The following C3orf38 variants were observed in gnomAD, a reference collection of about 807,000 sequenced individuals.
The protein encoded by C3orf38 is chromosome 3 open reading frame 38, also known as uncharacterized protein C3orf38.
Under a neutral mutation model 28.3 loss-of-function variants are expected in C3orf38, and 18 were observed. The observed-to-expected ratio is 0.64, with a 90% confidence interval of 0.44 to 0.94. The LOEUF is 0.94. Among genes scored for constraint, C3orf38 ranks in the 40% least tolerant of loss-of-function variants. C3orf38 has a pLI of 0.00. For synonymous variants in C3orf38, 145 were observed against 138.1 expected (o/e 1.05, Z -0.35); for missense variants, 364 against 396.4 (o/e 0.92, Z 0.69).
At chr3:88,154,387 T>TA (rs1553703041) in intron 2 of C3orf38, among the ~76,000 whole-genome samples, 1 of 151,730 alleles carries the variant, frequency 6.6e-6, no homozygotes, top group Non-Finnish European at 1.5e-5. Context: ...TTTTTTTTTT[T>TA]AACTAGAAAA....
In C3orf38 at chr3:88,156,578, T is replaced by A. The variant is rs1241012048; in HGVS notation, c.933T>A (p.Asn311Lys). The change falls in exon 3 of 3, where the codon AAT (asparagine) becomes AAA (lysine). Residue 311 changes from asparagine to lysine, a missense_variant. Asn to Lys is a moderately conservative substitution (Grantham distance 94). Coordinates refer to ENST00000318887, the MANE Select transcript of C3orf38 (RefSeq NM_173824.4). The stretch of plus-strand genomic sequence containing the variant: ...ATGTAATCACTGTATGTGGTACCAA[T>A]GAAGTACGACATAATGTAAAGCAGG... The part of the protein sequence containing the change: ...FYNVITVCGT[N>K]EVRHNVKQAS... 1.2e-6 allele frequency: 2 copies of A among 1,613,756 alleles called. No homozygotes were observed. The highest frequency in any genetic ancestry group is 1.7e-6 in the Non-Finnish European group (2 of 1,179,892).
rs1482422935 is a variant in C3orf38 at position 88,157,220 on chromosome 3, A to T, written c.*585A>T. The T allele has an allele frequency of 6.6e-6, 1 of 152,258 alleles. No individual in the cohort carries two copies. The highest frequency in any genetic ancestry group is 1.9e-4 in the East Asian group (1 of 5,204). The allele number at this position is 152,258 out of a possible 1,614,324, so 9.4% of individuals were successfully genotyped here. On this transcript the variant is annotated 3_prime_UTR_variant, in exon 3 of 3. Coordinates refer to ENST00000318887, the MANE Select transcript of C3orf38 (RefSeq NM_173824.4). ...AAGTCCAATAATTTAACAGTTGAAG[A>T]AAAACTTACTACCTCTTTAAAGATT...
intron 2 of C3orf38, 111 bp from the exon 3 acceptor site, chr3:88,155,910 A>T: frequency 1.3e-6 from 1 of 796,840 alleles, no homozygotes; most frequent in Non-Finnish European, 1.9e-6. Context: ...CATATGGTTC[A>T]TTTCTCTCTG....
At chr3:88,152,017 G>T (rs148853315) in intron 1 of C3orf38, among the ~76,000 whole-genome samples, 1 of 152,184 alleles carries the variant, frequency 6.6e-6, no homozygotes, top group Admixed American at 6.5e-5. Flanking sequence ...CTCAAAGATA[G>T]TAATTTCTTA....
rs1707380226 is a variant in C3orf38, at chr3:88,149,990, C to T, written c.-63C>T. On this transcript the variant is annotated 5_prime_UTR_variant, in exon 1 of 3. Coordinates refer to ENST00000318887, the MANE Select transcript of C3orf38 (RefSeq NM_173824.4). ...GGCACTTCCGGTGTCTGTTGCCAGG[C>T]GCGGGCCCAGTGGGCCGTAGGGGCG... 1 of 1,604,004 alleles carries T rather than the reference C, an allele frequency of 6.2e-7. No individual in the cohort carries two copies. Among genetic ancestry groups the T allele is most frequent in the Non-Finnish European group, 8.5e-7 (1 of 1,172,274 alleles).
rs746194084 is a variant in C3orf38, at chr3:88,150,041, C to CA, written c.-12_-11insA. The CA allele has an allele frequency of 2.2e-5, 36 of 1,614,020 alleles. No individual in the cohort carries two copies. The East Asian group carries it at 2.9e-4, about 13-fold the overall frequency. Reference sequence around the variant, plus strand: ...ACATTGTTGCCGTTGTCTTTCCCCCCCAGTCCCGGGGATGGAGATGTCGGG... The same window carrying CA: ...ACATTGTTGCCGTTGTCTTTCCCCCCACAGTCCCGGGGATGGAGATGTCGGG... On this transcript the variant is annotated 5_prime_UTR_variant, in exon 1 of 3. Coordinates refer to ENST00000318887, the MANE Select transcript of C3orf38 (RefSeq NM_173824.4).
Position 88,153,401 on chromosome 3 carries a change from A to T in C3orf38, c.305A>T (p.Gln102Leu). Residue 102 changes from glutamine (Q) to leucine (L), a missense_variant, in exon 2 of 3, where the codon CAA becomes CTA. By Grantham distance (113) the Gln-to-Leu change is moderately radical. Transcript: ENST00000318887. ...CATGCAAAAGATTACTGGCAAAAGC[A>T]ACCACAACTGAAATTGAAGGAAACG... is the stretch of plus-strand genomic sequence containing the variant. ...IQHAKDYWQK[Q>L]PQLKLKETPE... 1 of 1,614,158 alleles carries T rather than the reference A, an allele frequency of 6.2e-7. No individual in the cohort carries two copies. The highest frequency in any genetic ancestry group is 8.5e-7 in the Non-Finnish European group (1 of 1,180,020).
rs549286257 is a variant in C3orf38 at position 88,153,146 on chromosome 3, C to T, written c.134-84C>T. ...TAATGCTGTGACGAGAGTTTATAAACATATTTGATAGAGTTTCTGCCCACC... is the reference window on the plus strand; with the variant it reads ...TAATGCTGTGACGAGAGTTTATAAATATATTTGATAGAGTTTCTGCCCACC... On this transcript the variant is annotated intron_variant, in intron 1 of 2. Transcript: ENST00000318887. 76 of 1,272,586 alleles carry T rather than the reference C, an allele frequency of 6.0e-5. 1 individual carries two copies. In the South Asian group the frequency reaches 1.0e-3, roughly 17 times the overall value. 78.8% of individuals were successfully genotyped at this position (1,272,586 alleles called of 1,614,324 possible).
chr3:88,157,599 T>G lies in C3orf38; in HGVS notation c.*964T>G, dbSNP rs1232077346. ...ATACATATACTCCCACATTATAACT[T>G]AGAATATTTAGTTTTTTACCTGTTA... On this transcript the variant is annotated 3_prime_UTR_variant, in exon 3 of 3. Coordinates refer to ENST00000318887, the MANE Select transcript of C3orf38 (RefSeq NM_173824.4). 9 of 152,198 alleles carry G rather than the reference T, an allele frequency of 5.9e-5. No individual in the cohort carries two copies. The highest frequency in any genetic ancestry group is 1.9e-4 in the African/African-American group (8 of 41,454). The allele number at this position is 152,198 out of a possible 1,614,324, so 9.4% of individuals were successfully genotyped here.
At chr3:88,155,749 G>A (rs1161612010) in intron 2 of C3orf38, among the ~76,000 whole-genome samples, 3 of 152,028 alleles carry the variant, frequency 2.0e-5, no homozygotes, top group Admixed American at 1.3e-4. Context: ...GAGCCACCAC[G>A]CCCGCCAAGT....
In C3orf38 at chr3:88,156,220, A is replaced by G; in HGVS notation, c.575A>G (p.Tyr192Cys). ...ACATCAGAACAAAATGTTATGGACT[A>G]CCATGGAGCAGAAATCGTGAGCCTT... ...YNTSEQNVMD[Y>C]HGAEIVSLRL... Residue 192 changes from tyrosine to cysteine, a missense_variant, in exon 3 of 3, where the codon TAC (tyrosine) becomes TGC (cysteine). By Grantham distance (194) the Tyr-to-Cys change is radical. Transcript: ENST00000318887. The G allele has an allele frequency of 6.2e-7, 1 of 1,614,104 alleles. No individual in the cohort carries two copies. Among genetic ancestry groups the G allele is most frequent in the South Asian group, 1.1e-5 (1 of 91,084 alleles).
chr3:88,155,292 A>T (rs1164347926), intron 2 of C3orf38, among the ~76,000 whole-genome samples: 1 of 152,134 alleles, frequency 6.6e-6, no homozygotes, highest in Non-Finnish European at 1.5e-5. Flanking sequence ...TATTAACTTT[A>T]TGTCATTTAT....
In C3orf38 at chr3:88,153,435, A is replaced by C. The variant is rs147979604; in HGVS notation, c.339A>C (p.Pro113=). The part of the protein sequence containing the change: ...PQLKLKETPE[P]VTKTEDIHLF... ...TGAAATTGAAGGAAACGCCAGAGCC[A>C]GTTACAAAGACAGAGGACATCCACC... Residue 113 remains proline (P), a synonymous_variant, in exon 2 of 3, where the codon CCA becomes CCC. Coordinates refer to ENST00000318887, the MANE Select transcript of C3orf38 (RefSeq NM_173824.4). The C allele has an allele frequency of 1.2e-6, 2 of 1,613,008 alleles. No homozygotes were observed. The highest frequency in any genetic ancestry group is 1.3e-5 in the African/African-American group (1 of 74,932).
chr3:88,150,035 T>TG lies in C3orf38; in HGVS notation c.-18_-17insG, dbSNP rs1553702741. On this transcript the variant is annotated 5_prime_UTR_variant, in exon 1 of 3. Coordinates refer to ENST00000318887, the MANE Select transcript of C3orf38 (RefSeq NM_173824.4). ...GGGGCGACATTGTTGCCGTTGTCTT[T>TG]CCCCCCCAGTCCCGGGGATGGAGAT... 4 of 1,605,134 alleles carry TG rather than the reference T, an allele frequency of 2.5e-6. No individual in the cohort carries two copies. The South Asian group carries it at 3.3e-5, about 13-fold the overall frequency.
chr3:88,152,754 CAA>C (rs5850832), intron 1 of C3orf38, among the ~76,000 whole-genome samples: 147 of 100,938 alleles, frequency 1.5e-3, no homozygotes, highest in East Asian at 5.1e-3. Flanking sequence ...GACTCCGTCT[CAA>C]AAAAAAAAAA....
At chr3:88,150,840 A>C (rs1707400761) in intron 1 of C3orf38, 1 of 152,142 alleles carries the variant, frequency 6.6e-6, no homozygotes. Context: ...AAACGTGAAA[A>C]ATTCCAGATT....
chr3:88,153,183 T>G (rs1433201151), intron 1 of C3orf38, 47 bp from the exon 2 acceptor site: 2 of 1,569,562 alleles, frequency 1.3e-6, no homozygotes, highest in East Asian at 2.3e-5. Context: ...GGCACAAATT[T>G]GTAAGTGCCT....
At position 88,156,330 on chromosome 3, in the gene C3orf38, C is replaced by T; in HGVS notation, c.685C>T (p.His229Tyr). 1 of 1,614,192 alleles carries T rather than the reference C, an allele frequency of 6.2e-7. No homozygotes were observed. The highest frequency in any genetic ancestry group is 1.1e-5 in the South Asian group (1 of 91,086). Residue 229 changes from histidine (H) to tyrosine (Y), a missense_variant, in exon 3 of 3, where the codon CAT becomes TAT. Physicochemically the swap from His to Tyr is moderately conservative, Grantham distance 83. Transcript: ENST00000318887. ...SHGLKCASSPHGLVMVGVAGT... is the reference protein window; with the variant it reads ...SHGLKCASSPYGLVMVGVAGT... ...TGGACTGAAATGTGCATCTTCTCCT[C>T]ATGGGCTGGTTATGGTTGGAGTTGC... is the stretch of plus-strand genomic sequence containing the variant.
intron 1 of C3orf38, chr3:88,151,206 G>C (rs1707407315): frequency 6.6e-6 from 1 of 152,054 alleles, no homozygotes; most frequent in African/African-American, 2.4e-5. Flanking sequence ...GGCAGGGGGT[G>C]GGGAATCACC....
Sources: allele counts gnomAD v4.1 joint callset (sites outside exome capture counted in the v4.1 genomes callset), GRCh38; gene constraint gnomAD v4.1.1; transcripts MANE v1.5; gene names NCBI Gene and HGNC (gene_info 2026-07-23, HGNC 2026-07-21).